The following JARID2 variants were observed in gnomAD, a reference collection of about 807,000 sequenced individuals.
JARID2 encodes the protein protein Jumonji.
A neutral mutation model predicts 125.6 loss-of-function variants in JARID2; 21 were observed. That is an observed-to-expected ratio of 0.17 (90% CI 0.12 to 0.24). The LOEUF (loss-of-function observed/expected upper bound fraction) is 0.24. Ranked by LOEUF, JARID2 falls within the 10% of genes least tolerant of loss-of-function variation. The pLI, the probability that JARID2 is intolerant of heterozygous loss-of-function variation, is 1.00. For missense variants in JARID2, 1,303 were observed against 1,639.6 expected (o/e 0.79, Z 3.55); for synonymous variants, 736 against 661.6 (o/e 1.11, Z -1.73).
chr6:15,423,524 AAGAC>A (rs748471416), intron 3 of JARID2, among the ~76,000 whole-genome samples: 1 of 152,206 alleles, frequency 6.6e-6, no homozygotes, highest in African/African-American at 2.4e-5. Flanking sequence ...TCATGGGACA[AAGAC>A]AGGCTGGTAT....
intron 1 of JARID2, among the ~76,000 whole-genome samples, chr6:15,277,580 C>G (rs1482437686): frequency 1.3e-5 from 2 of 152,254 alleles, no homozygotes; most frequent in Non-Finnish European, 1.5e-5. Flanking sequence ...AGTAGTTAAA[C>G]TGAAACAAAG....
At chr6:15,280,631 T>G in intron 1 of JARID2, among the ~76,000 whole-genome samples, 1 of 86,524 alleles carries the variant, frequency 1.2e-5, no homozygotes, top group Admixed American at 1.1e-4. Flanking sequence ...ACACCCTGCT[T>G]TTTTTTTTTT....
In JARID2 at chr6:15,416,190, C is replaced by G. The variant is rs1362532761; in HGVS notation, c.323+5825C>G. 2.6e-5 allele frequency among the ~76,000 whole-genome samples: 4 copies of G among 151,960 alleles called. No individual in the cohort carries two copies. The East Asian group carries it at 7.8e-4, about 30-fold the overall frequency. On this transcript the variant is annotated intron_variant, in intron 3 of 17. Transcript: ENST00000341776. ...GGGATGGCGGCCGGGCAGAGACGCTCCTCACTTTCCAGACTGGGTAGCCAG... is the reference window on the plus strand; with the variant it reads ...GGGATGGCGGCCGGGCAGAGACGCTGCTCACTTTCCAGACTGGGTAGCCAG...
rs756644508 is a variant in JARID2, at chr6:15,501,251, G to C, written c.2290G>C (p.Val764Leu). 2 of 1,613,588 alleles carry C rather than the reference G, an allele frequency of 1.2e-6. No homozygotes were observed. Among genetic ancestry groups the C allele is most frequent in the South Asian group, 2.2e-5 (2 of 91,070 alleles). Residue 764 changes from valine (V) to leucine (L), a missense_variant, in exon 8 of 18, where the codon GTG (valine) becomes CTG (leucine). Val to Leu is a conservative substitution (Grantham distance 32). Coordinates refer to ENST00000341776, the MANE Select transcript of JARID2 (RefSeq NM_004973.4). Reference protein sequence around the residue: ...FEPKNGLIHGVAPRNGFRSKL... With the variant: ...FEPKNGLIHGLAPRNGFRSKL... ...GCCCAAGAATGGGCTCATCCACGGC[G>C]TGGCCCCCAGGAACGGCTTCCGCAG...
At chr6:15,502,819 G>T (rs532704976) in intron 8 of JARID2, among the ~76,000 whole-genome samples, 24 of 152,254 alleles carry the variant, frequency 1.6e-4, no homozygotes, top group Middle Eastern at 3.4e-3. Flanking sequence ...GTGGGGATGC[G>T]GTGTGGGGGT....
chr6:15,414,089 C>T (rs1198764456), intron 3 of JARID2, among the ~76,000 whole-genome samples: 1 of 152,048 alleles, frequency 6.6e-6, no homozygotes, highest in East Asian at 1.9e-4. Context: ...TTAGAATCAT[C>T]AGCAAAAAAA....
intron 3 of JARID2, among the ~76,000 whole-genome samples, chr6:15,423,372 G>T (rs1378502454): frequency 1.3e-5 from 2 of 152,140 alleles, no homozygotes; most frequent in Non-Finnish European, 2.9e-5. Context: ...CAGGATAGTG[G>T]TTTTGGCTTT....
chr6:15,437,025 C>T (rs910570289), intron 3 of JARID2, among the ~76,000 whole-genome samples: 5 of 152,088 alleles, frequency 3.3e-5, no homozygotes, highest in Non-Finnish European at 7.4e-5. Context: ...GCAGGCCACC[C>T]TGTCCTTCAG....
At position 15,344,088 on chromosome 6, in the gene JARID2, T is replaced by TTGG. The variant is rs1763161709; in HGVS notation, c.46-30028_46-30026dup. 3.4e-5 allele frequency among the ~76,000 whole-genome samples: 5 copies of TTGG among 149,116 alleles called. No individual in the cohort carries two copies. The South Asian group carries it at 8.5e-4, about 25-fold the overall frequency. On this transcript the variant is annotated intron_variant, in intron 1 of 17. Coordinates refer to ENST00000341776, the MANE Select transcript of JARID2 (RefSeq NM_004973.4). Reference sequence around the variant, plus strand: ...GGAAGTACATGATAATCTGTTTTACTTGGGAGTATGTAGTGATTTTTTTTT... The same window carrying TTGG: ...GGAAGTACATGATAATCTGTTTTACTTGGTGGGAGTATGTAGTGATTTTTTTTT...
At chr6:15,284,510 C>A (rs998102869) in intron 1 of JARID2, among the ~76,000 whole-genome samples, 1 of 142,974 alleles carries the variant, frequency 7.0e-6, no homozygotes, top group African/African-American at 2.7e-5. Context: ...GTTTTATAAT[C>A]CTTTTTTTTT....
chr6:15,491,154 T>G (rs1433737920), intron 6 of JARID2, among the ~76,000 whole-genome samples: 4 of 152,230 alleles, frequency 2.6e-5, no homozygotes, highest in African/African-American at 9.6e-5. Context: ...ATCATATTAG[T>G]TTTTAAAAAA....
chr6:15,248,937 C>G, intron 1 of JARID2: 1 of 985,722 alleles, frequency 1.0e-6, no homozygotes, highest in Non-Finnish European at 1.2e-6. Flanking sequence ...CTCTGCCTTC[C>G]GCTCCGGAGC....
chr6:15,374,793 G>A (rs1343726268), intron 2 of JARID2, among the ~76,000 whole-genome samples: 1 of 152,178 alleles, frequency 6.6e-6, no homozygotes, highest in Non-Finnish European at 1.5e-5. Context: ...TCCTATATGA[G>A]TTTGTTCTCA....
Position 15,495,045 on chromosome 6 carries a change from C to A in JARID2, c.907-1087C>A, listed in dbSNP as rs568447721. On this transcript the variant is annotated intron_variant, in intron 6 of 17. Transcript: ENST00000341776. ...GGTTATAAAACCCTGAAGTCCCTGACTTTAACCTCATATCATAGACGAAAA... is the reference window on the plus strand; with the variant it reads ...GGTTATAAAACCCTGAAGTCCCTGAATTTAACCTCATATCATAGACGAAAA... Among the ~76,000 whole-genome samples the A allele has an allele frequency of 5.3e-5, 8 of 152,334 alleles. 1 individual carries two copies. The East Asian group carries it at 1.5e-3, about 29-fold the overall frequency.
At chr6:15,364,666 T>C (rs926400646) in intron 1 of JARID2, among the ~76,000 whole-genome samples, 3 of 152,228 alleles carry the variant, frequency 2.0e-5, no homozygotes, top group African/African-American at 7.2e-5. Context: ...TCTTGGTAAA[T>C]GGAGTAACAC....
chr6:15,336,351 A>G (rs770319862), intron 1 of JARID2, among the ~76,000 whole-genome samples: 31 of 152,278 alleles, frequency 2.0e-4, no homozygotes, highest in Non-Finnish European at 3.2e-4. Context: ...TGTTAAAAAT[A>G]GGAACCTAAG....
In JARID2 at chr6:15,377,310, G is replaced by C. The variant is rs149910169; in HGVS notation, c.181+3058G>C. ...CAGTGGCAAGAGAAAATGAGATTTC[G>C]TGAGACTTACTCACTATCACAAGAA... On this transcript the variant is annotated intron_variant, in intron 2 of 17. Coordinates refer to ENST00000341776, the MANE Select transcript of JARID2 (RefSeq NM_004973.4). Among the ~76,000 whole-genome samples, 13 of 152,200 alleles carry C rather than the reference G, an allele frequency of 8.5e-5. 1 individual carries two copies. The highest frequency in any genetic ancestry group is 2.2e-4 in the African/African-American group (9 of 41,542).
chr6:15,512,057 C>T (rs1771305372), intron 13 of JARID2, 151 bp from the exon 14 acceptor site: 1 of 664,648 alleles, frequency 1.5e-6, no homozygotes, highest in South Asian at 2.0e-5. Context: ...GAAGCTCCTT[C>T]TTGTGTTATG....
intron 6 of JARID2, among the ~76,000 whole-genome samples, chr6:15,490,022 G>A (rs2876393): frequency 0.13 from 19,047 of 152,128 alleles, 1,313 homozygotes; most frequent in Non-Finnish European, 0.15. Context: ...TATTCCTTTG[G>A]AGCCAGTCTG....
Sources: gnomAD v4.1 joint callset for allele counts (sites outside exome capture counted in the v4.1 genomes callset) on GRCh38, gnomAD v4.1.1 for gene constraint, MANE v1.5 for transcripts, NCBI Gene and HGNC (gene_info 2026-07-23, HGNC 2026-07-21) for gene names.